Variants in COPS7A observed in about 807,000 individuals in gnomAD.
COPS7A encodes COP9 signalosome subunit 7A, also known as COP9 signalosome complex subunit 7a.
In COPS7A, 20 loss-of-function variants were observed where a neutral mutation model predicts 35.2. The observed-to-expected ratio is 0.57, with a 90% CI of 0.40 to 0.83. The LOEUF is 0.83. COPS7A is among the 40% of genes least tolerant of loss of function. The probability of loss-of-function intolerance (pLI) is 0.00; values close to 1 mark genes in which losing one functional copy is unlikely to be tolerated. For missense variants in COPS7A, 247 were observed against 347.5 expected (o/e 0.71, Z 2.30); for synonymous variants, 139 against 141.4 (o/e 0.98, Z 0.12).
chr12:6,728,499 T>A (rs1469478590), intron 4 of COPS7A, among the ~76,000 whole-genome samples, 188 bp downstream of exon 4: 2 of 152,226 alleles, frequency 1.3e-5, no homozygotes, highest in Admixed American at 6.5e-5. Context: ...TTGTTTTTAT[T>A]TTTTAATCAA....
In COPS7A at chr12:6,731,257, T is replaced by C; in HGVS notation, c.*218T>C. ...ACTTTCTGTTTTTTGTGACTTCATG[T>C]GTTCCATTGCTCCCCGCTGCCATGC... On this transcript the variant is annotated 3_prime_UTR_variant, in exon 8 of 8. Coordinates refer to ENST00000543155, the MANE Select transcript of COPS7A (RefSeq NM_001164094.2). 6.9e-7 allele frequency: 1 copy of C among 1,453,598 alleles called. No homozygotes were observed. The highest frequency in any genetic ancestry group is 9.1e-7 in the Non-Finnish European group (1 of 1,104,922). 90.0% of individuals were successfully genotyped at this position (1,453,598 alleles called of 1,614,324 possible). A position where few individuals can be genotyped will look rare whatever the true frequency, so the allele number is the denominator to read the frequency against.
At chr12:6,724,867 G>C (rs1311888911) in intron 2 of COPS7A, 49 bp downstream of exon 2, 2 of 1,587,900 alleles carry the variant, frequency 1.3e-6, no homozygotes, top group South Asian at 2.2e-5. Flanking sequence ...GCAAAGGTTT[G>C]AATTTGAGAA....
rs112463131 is a variant in COPS7A at position 6,728,109 on chromosome 12, T to C, written c.238+108T>C. The C allele has an allele frequency of 2.0e-5, 29 of 1,456,806 alleles. No individual in the cohort carries two copies. The African/African-American group carries it at 2.1e-4, about 11-fold the overall frequency. The allele number at this position is 1,456,806 out of a possible 1,614,324, so 90.2% of individuals were successfully genotyped here. ...TATCCCACTTAGATCCCTGGATGCA[T>C]AGGGTCAGGGTCAAGACCTGAATTG... On this transcript the variant is annotated intron_variant, in intron 3 of 7. Transcript: ENST00000543155.
Position 6,730,402 on chromosome 12 carries a change from G to T in COPS7A, c.531G>T (p.Trp177Cys). The T allele has an allele frequency of 6.2e-7, 1 of 1,613,962 alleles. No individual in the cohort carries two copies. Among genetic ancestry groups the T allele is most frequent in the Non-Finnish European group, 8.5e-7 (1 of 1,179,890 alleles). The change falls in exon 6 of 8, where the codon TGG becomes TGT. Residue 177 changes from tryptophan (W) to cysteine (C), a missense_variant and splice_region_variant. By Grantham distance (215) the Trp-to-Cys change is radical. Coordinates refer to ENST00000543155, the MANE Select transcript of COPS7A (RefSeq NM_001164094.2). The part of the protein sequence containing the change: ...LSAIARTLQE[W>C]CVGCEVVLSG... The stretch of plus-strand genomic sequence containing the variant: ...CACTTCTCTCCCCTGACTCCTGCAG[G>T]TGTGTGGGCTGTGAGGTCGTGCTGT...
intron 2 of COPS7A, among the ~76,000 whole-genome samples, chr12:6,726,809 C>T (rs1941269134): frequency 6.6e-6 from 1 of 152,036 alleles, no homozygotes; most frequent in South Asian, 2.1e-4. Flanking sequence ...TACTACCCTT[C>T]TTATGGTCTG....
chr12:6,724,562 C>T (rs1183094664), intron 1 of COPS7A, 52 bp from the exon 2 acceptor site: 3 of 1,479,312 alleles, frequency 2.0e-6, no homozygotes, highest in East Asian at 4.5e-5. Flanking sequence ...CTTGTGCTTC[C>T]CATCCGACCA....
At position 6,724,827 on chromosome 12, in the gene COPS7A, C is replaced by A. The variant is rs538324678; in HGVS notation, c.162+9C>A. 1 of 1,613,982 alleles carries A rather than the reference C, an allele frequency of 6.2e-7. No homozygotes were observed. The highest frequency in any genetic ancestry group is 1.3e-5 in the African/African-American group (1 of 75,018). On this transcript the variant is annotated intron_variant, in intron 2 of 7. Transcript: ENST00000543155. ...TGCCCAATGTTAGAGAGGTGGGTTGCTGGCTTGAATAGCCCTCAGAGAAGC... is the reference window on the plus strand; with the variant it reads ...TGCCCAATGTTAGAGAGGTGGGTTGATGGCTTGAATAGCCCTCAGAGAAGC...
In COPS7A at chr12:6,729,213, G is replaced by C. The variant is rs199797592; in HGVS notation, c.328-34G>C. ...TGGAAGCCCTTCTCTACTACGGAGC[G>C]TCACAAATCCTGGCCTGATCTCCGC... On this transcript the variant is annotated intron_variant, in intron 4 of 7. Coordinates refer to ENST00000543155, the MANE Select transcript of COPS7A (RefSeq NM_001164094.2). This position sits in a 1 kb window ranked among gnomAD's most constrained non-coding sequence, Gnocchi z 4.2. 2.4e-5 allele frequency: 39 copies of C among 1,611,296 alleles called. No homozygotes were observed. In the South Asian group the frequency reaches 4.2e-4, roughly 17 times the overall value.
chr12:6,727,860 C>A lies in COPS7A; in HGVS notation c.163-66C>A. 2.7e-6 allele frequency: 4 copies of A among 1,505,134 alleles called. No homozygotes were observed. In the South Asian group the frequency reaches 4.5e-5, roughly 17 times the overall value. 93.2% of individuals were successfully genotyped at this position (1,505,134 alleles called of 1,614,324 possible). A position where few individuals can be genotyped will look rare whatever the true frequency, so the allele number is the denominator to read the frequency against. On this transcript the variant is annotated intron_variant, in intron 2 of 7. Coordinates refer to ENST00000543155, the MANE Select transcript of COPS7A (RefSeq NM_001164094.2). ...TGGGGCCAAAAAGTGGAGTTCCAAA[C>A]AGGGTAAGGCTGGGAGGGTGGAGAG...
Position 6,729,143 on chromosome 12 carries a change from G to A in COPS7A, c.328-104G>A. ...GAGGAAGTGATTTAGGAATGGGAGT[G>A]GAGGGCAGGTGGGCTAGGGCAGGGG... is the stretch of plus-strand genomic sequence containing the variant. On this transcript the variant is annotated intron_variant, in intron 4 of 7. Coordinates refer to ENST00000543155, the MANE Select transcript of COPS7A (RefSeq NM_001164094.2). This position sits in a 1 kb window ranked among gnomAD's most constrained non-coding sequence, Gnocchi z 4.2. The A allele has an allele frequency of 8.2e-6, 9 of 1,094,272 alleles. No individual in the cohort carries two copies. Among genetic ancestry groups the A allele is most frequent in the Non-Finnish European group, 1.2e-5 (9 of 722,454 alleles). 67.8% of individuals were successfully genotyped at this position (1,094,272 alleles called of 1,614,324 possible). A position where few individuals can be genotyped will look rare whatever the true frequency, so the allele number is the denominator to read the frequency against.
chr12:6,724,514 A>G lies in COPS7A; in HGVS notation c.-43-100A>G, dbSNP rs868516210. On this transcript the variant is annotated intron_variant, in intron 1 of 7. Coordinates refer to ENST00000543155, the MANE Select transcript of COPS7A (RefSeq NM_001164094.2). ...CGCTCCATGTCTGATTCCTCACCGCAGAACCGACTTAGTGCCTTTACAATC... is the reference window on the plus strand; with the variant it reads ...CGCTCCATGTCTGATTCCTCACCGCGGAACCGACTTAGTGCCTTTACAATC... The G allele has an allele frequency of 1.8e-5, 18 of 973,582 alleles. No individual in the cohort carries two copies. The Middle Eastern group carries it at 2.3e-3, about 125-fold the overall frequency. 60.3% of individuals were successfully genotyped at this position (973,582 alleles called of 1,614,324 possible).
At position 6,729,798 on chromosome 12, in the gene COPS7A, T is replaced by G. The variant is rs1592472330; in HGVS notation, c.530+349T>G. The stretch of plus-strand genomic sequence containing the variant: ...ATGACCCTTTTCCTCTTTTTTATTT[T>G]CTTTGTGTCCCCATCTAACTTCAGG... On this transcript the variant is annotated intron_variant, in intron 5 of 7. Transcript: ENST00000543155. The surrounding 1 kb of genome is among the most constrained non-coding windows in gnomAD (Gnocchi z 4.2). Among the ~76,000 whole-genome samples, 1 of 152,224 alleles carries G rather than the reference T, an allele frequency of 6.6e-6. No homozygotes were observed. The highest frequency in any genetic ancestry group is 2.4e-5 in the African/African-American group (1 of 41,456).
At chr12:6,726,171 G>C (rs563650309) in intron 2 of COPS7A, among the ~76,000 whole-genome samples, 1 of 152,044 alleles carries the variant, frequency 6.6e-6, no homozygotes, top group African/African-American at 2.4e-5. Flanking sequence ...AAAATTAGCC[G>C]GGTGTGGTGG....
Position 6,724,811 on chromosome 12 carries a change from T to C in COPS7A, c.155T>C (p.Val52Ala). Residue 52 changes from valine to alanine, a missense_variant, in exon 2 of 8, where the codon GTT becomes GCT. Physicochemically the swap from Val to Ala is moderately conservative, Grantham distance 64 (BLOSUM62 0). Coordinates refer to ENST00000543155, the MANE Select transcript of COPS7A (RefSeq NM_001164094.2). ...VFGELLDMPN[V>A]RELAESDFAS... ...GGAGAACTGCTGGACATGCCCAATGTTAGAGAGGTGGGTTGCTGGCTTGAA... is the reference window on the plus strand; with the variant it reads ...GGAGAACTGCTGGACATGCCCAATGCTAGAGAGGTGGGTTGCTGGCTTGAA... 1 of 1,614,114 alleles carries C rather than the reference T, an allele frequency of 6.2e-7. No homozygotes were observed. Among genetic ancestry groups the C allele is most frequent in the Non-Finnish European group, 8.5e-7 (1 of 1,179,992 alleles).
chr12:6,730,949 G>T lies in COPS7A; in HGVS notation c.789-51G>T, dbSNP rs371592739. ...GTGGGGGAGCCTCCAGGGGTTAGGG[G>T]ATTCCCTGCATTCTCTCTCTCTCTC... On this transcript the variant is annotated intron_variant, in intron 7 of 7. Transcript: ENST00000543155. 1.9e-6 allele frequency: 3 copies of T among 1,592,948 alleles called. No individual in the cohort carries two copies. In the African/African-American group the frequency reaches 4.0e-5, roughly 21 times the overall value.
rs1421259765 is a variant in COPS7A, at chr12:6,731,380, C to A, written c.*341C>A. ...CTGATGGGGGTCGCTCTGTCTGGAG[C>A]ATAACCCACAGGCGTTTTTTCTGCC... is the stretch of plus-strand genomic sequence containing the variant. On this transcript the variant is annotated 3_prime_UTR_variant, in exon 8 of 8. Coordinates refer to ENST00000543155, the MANE Select transcript of COPS7A (RefSeq NM_001164094.2). The A allele has an allele frequency of 7.7e-7, 1 of 1,307,118 alleles. No individual in the cohort carries two copies. Among genetic ancestry groups the A allele is most frequent in the Non-Finnish European group, 9.9e-7 (1 of 1,014,982 alleles). 81.0% of individuals were successfully genotyped at this position (1,307,118 alleles called of 1,614,324 possible).
intron 4 of COPS7A, among the ~76,000 whole-genome samples, chr12:6,728,747 A>G (rs1196142472): frequency 6.6e-6 from 1 of 152,136 alleles, no homozygotes; most frequent in Non-Finnish European, 1.5e-5. Flanking sequence ...CCAGTCTGCA[A>G]CCTCGCAATA....
intron 2 of COPS7A, among the ~76,000 whole-genome samples, chr12:6,725,400 G>T (rs914141457): frequency 6.6e-6 from 1 of 151,960 alleles, no homozygotes; most frequent in Non-Finnish European, 1.5e-5. Context: ...CTCGTGATCC[G>T]CCCGCCTTGA....
In COPS7A at chr12:6,731,064, G is replaced by A. The variant is rs774498312; in HGVS notation, c.*25G>A. 2.6e-5 allele frequency: 42 copies of A among 1,613,934 alleles called. 1 individual carries two copies. The highest frequency in any genetic ancestry group is 2.5e-5 in the Non-Finnish European group (29 of 1,179,994). On this transcript the variant is annotated 3_prime_UTR_variant, in exon 8 of 8. Coordinates refer to ENST00000543155, the MANE Select transcript of COPS7A (RefSeq NM_001164094.2). ...AAAGGACTGTCGTTTCCTCCCTGGG[G>A]ATGTGGGGTCCCAGCTGCCTGCCTG...
Sources: allele counts gnomAD v4.1 joint callset (sites outside exome capture counted in the v4.1 genomes callset), GRCh38; gene constraint gnomAD v4.1.1; non-coding constraint Gnocchi (gnomAD v3.1); transcripts MANE v1.5; gene names NCBI Gene and HGNC (gene_info 2026-07-23, HGNC 2026-07-21).